The following KMT2C variants were observed in gnomAD, a reference collection of about 807,000 sequenced individuals.
KMT2C encodes lysine methyltransferase 2C.
A neutral mutation model predicts 507.9 loss-of-function variants in KMT2C; 88 were observed. The ratio of observed to expected loss-of-function variants is 0.17; its 90% confidence interval spans 0.15 to 0.21. KMT2C has a LOEUF of 0.21. KMT2C is among the 10% of genes least tolerant of loss of function. The pLI, the probability that KMT2C is intolerant of heterozygous loss-of-function variation, is 1.00. For missense variants in KMT2C, 4,954 were observed against 5,957.8 expected, an observed-to-expected ratio of 0.83 and a Z score of 5.55; for synonymous variants, 2,049 against 2,080.8, an observed-to-expected ratio of 0.98 and a Z score of 0.42.
At chr7:152,369,564 C>A (rs990706865) in intron 1 of KMT2C, among the ~76,000 whole-genome samples, 16 of 152,194 alleles carry the variant, frequency 1.1e-4, no homozygotes, top group South Asian at 2.1e-4. Flanking sequence ...GAGGTGGTAC[C>A]TTTAAGAGGT....
At position 152,297,073 on chromosome 7, in the gene KMT2C, G is replaced by C. The variant is rs562372159; in HGVS notation, c.849+12893C>G. Among the ~76,000 whole-genome samples the C allele has an allele frequency of 6.3e-4, 81 of 128,982 alleles. 1 individual carries two copies. The highest frequency in any genetic ancestry group is 2.3e-3 in the African/African-American group (59 of 25,234). The allele number at this position is 128,982 out of a possible 152,430, so 84.6% of individuals were successfully genotyped here. On this transcript the variant is annotated intron_variant, in intron 6 of 58. Transcript: ENST00000262189. ...AGAAAGACAGAGAGAGAGAGAGAGA[G>C]AGAGAGAGAGAGAGAGAGAGAAAGA...
intron 6 of KMT2C, among the ~76,000 whole-genome samples, chr7:152,308,457 C>G (rs1364522272): frequency 6.6e-6 from 1 of 151,296 alleles, no homozygotes; most frequent in African/African-American, 2.4e-5. Flanking sequence ...AGGCAGATCA[C>G]CTGAGGTCAG....
intron 1 of KMT2C, chr7:152,402,825 A>T (rs2097581574): frequency 4.5e-5 from 7 of 154,376 alleles, no homozygotes; most frequent in African/African-American, 1.5e-4. Context: ...GTTCACTGTC[A>T]GTTACCGATC....
chr7:152,343,990 AT>A (rs1002701573), intron 2 of KMT2C, among the ~76,000 whole-genome samples: 18 of 146,952 alleles, frequency 1.2e-4, no homozygotes, highest in African/African-American at 4.9e-4. Flanking sequence ...TGAAGATAAA[AT>A]TTTAAAAAAA....
Position 152,148,285 on chromosome 7 carries a change from A to C in KMT2C, c.13642T>G (p.Phe4548Val). 4.3e-6 allele frequency: 7 copies of C among 1,614,260 alleles called. No individual in the cohort carries two copies. Among genetic ancestry groups the C allele is most frequent in the Non-Finnish European group, 5.9e-6 (7 of 1,180,048 alleles). Residue 4548 changes from phenylalanine (F) to valine (V), a missense_variant, in exon 52 of 59, where the codon TTT becomes GTT. Transcript: ENST00000262189. This position sits in a 1 kb window ranked among gnomAD's most constrained non-coding sequence, Gnocchi z 7.1. ...TGGAAGATGAGGCTACCCACGCGAA[A>C]GGTATGGTCCCGTTCTCCTCGTTGC... ...IVQRGERDHT[F>V]RVGSLIFHTI...
rs766518165 is a variant in KMT2C at position 152,215,688 on chromosome 7, T to TATATATATATATATACAC, written c.3712+4834_3712+4835insGTGTATATATATATATAT. Among the ~76,000 whole-genome samples the TATATATATATATATACAC allele has an allele frequency of 1.3e-4, 18 of 134,432 alleles. 2 individuals carry two copies. Among genetic ancestry groups the TATATATATATATATACAC allele is most frequent in the African/African-American group, 5.7e-4 (17 of 29,600 alleles). 88.2% of individuals were successfully genotyped at this position (134,432 alleles called of 152,430 possible). ...ACAAAAGGAACAAAATATATATATATACACACACACATACACACACAAAAT... is the reference window on the plus strand; with the variant it reads ...ACAAAAGGAACAAAATATATATATATATATATATATATATACACACACACACACATACACACACAAAAT... On this transcript the variant is annotated intron_variant, in intron 23 of 58. Transcript: ENST00000262189.
At chr7:152,429,071 C>A (rs1176096869) in intron 1 of KMT2C, among the ~76,000 whole-genome samples, 1 of 152,134 alleles carries the variant, frequency 6.6e-6, no homozygotes, top group Non-Finnish European at 1.5e-5. Flanking sequence ...CTCACACACT[C>A]ATTTTCTTGT....
chr7:152,264,887 T>C (rs1196707049), intron 8 of KMT2C, 151 bp downstream of exon 8: 7 of 635,076 alleles, frequency 1.1e-5, no homozygotes, highest in Non-Finnish European at 1.3e-5. Context: ...AATGTTATAA[T>C]ATCCAGTAAT....
At chr7:152,168,457 A>G (rs2092828706) in intron 41 of KMT2C, among the ~76,000 whole-genome samples, 1 of 152,222 alleles carries the variant, frequency 6.6e-6, no homozygotes, top group African/African-American at 2.4e-5. Context: ...CAGAAGTTCC[A>G]GTACATGTAT....
chr7:152,288,768 T>TA (rs2096353910), intron 6 of KMT2C, among the ~76,000 whole-genome samples: 2 of 151,732 alleles, frequency 1.3e-5, no homozygotes, highest in African/African-American at 4.8e-5. Flanking sequence ...ATGACTAAAC[T>TA]AAAAAACCCT....
At chr7:152,392,369 T>C (rs1589690164) in intron 1 of KMT2C, among the ~76,000 whole-genome samples, 1 of 152,158 alleles carries the variant, frequency 6.6e-6, no homozygotes, top group East Asian at 1.9e-4. Flanking sequence ...AAATAGGTAG[T>C]AAAAATACAG....
At chr7:152,160,365 G>A (rs964288000) in intron 43 of KMT2C, among the ~76,000 whole-genome samples, 2 of 151,932 alleles carry the variant, frequency 1.3e-5, no homozygotes, top group African/African-American at 2.4e-5. Flanking sequence ...ACCGGGGCTG[G>A]AGCCCAGCAA....
Position 152,154,065 on chromosome 7 carries a change from C to T in KMT2C, c.12221G>A (p.Gly4074Asp), listed in dbSNP as rs2129098521. The change falls in exon 48 of 59, where the codon GGT (glycine) becomes GAT (aspartate). Residue 4074 changes from glycine to aspartate, a missense_variant. By Grantham distance (94) the Gly-to-Asp change is moderately conservative. Around this residue, in one of 29 missense-constraint regions of KMT2C, gnomAD observed 417 missense variants for 461.1 expected, o/e 0.90. Transcript: ENST00000262189. ...TACAGATATAAGACCTGATCTGGGACCATTTGGGGAAGGACCAAAAGGTGA... is the reference window on the plus strand; with the variant it reads ...TACAGATATAAGACCTGATCTGGGATCATTTGGGGAAGGACCAAAAGGTGA... ...FASPFGPSPN[G>D]PRSGLISVAI... The T allele has an allele frequency of 6.2e-7, 1 of 1,613,942 alleles. No individual in the cohort carries two copies. Among genetic ancestry groups the T allele is most frequent in the Non-Finnish European group, 8.5e-7 (1 of 1,179,928 alleles).
intron 39 of KMT2C, 140 bp downstream of exon 39, chr7:152,173,991 A>C: frequency 2.0e-6 from 1 of 509,042 alleles, no homozygotes; most frequent in Non-Finnish European, 3.5e-6. Flanking sequence ...GATCATATCG[A>C]GCTGATGCCA....
intron 1 of KMT2C, among the ~76,000 whole-genome samples, chr7:152,364,934 G>GACACACACAC (rs71198778): frequency 1.0e-3 from 141 of 138,158 alleles, no homozygotes; most frequent in African/African-American, 3.5e-3. Flanking sequence ...GAAACAGACA[G>GACACACACAC]ACACACACAC....
At chr7:152,429,945 A>G (rs1470911962) in intron 1 of KMT2C, among the ~76,000 whole-genome samples, 5 of 151,974 alleles carry the variant, frequency 3.3e-5, no homozygotes. Context: ...GGGAGTGCCG[A>G]GGCAGGCAGA....
At chr7:152,250,998 G>C (rs1563586546) in intron 11 of KMT2C, 32 bp from the exon 12 acceptor site, 2 of 1,256,718 alleles carry the variant, frequency 1.6e-6, no homozygotes, top group Admixed American at 1.8e-5. Flanking sequence ...CTTTAGCTCA[G>C]AATGAGTTTT....
At chr7:152,255,136 T>G in intron 9 of KMT2C, among the ~76,000 whole-genome samples, 1 of 124,120 alleles carries the variant, frequency 8.1e-6, no homozygotes, top group Admixed American at 8.1e-5. Context: ...TATATATATA[T>G]ATATATATAC....
rs747663041 is a variant in KMT2C, at chr7:152,167,192, T to C, written c.9704A>G (p.Lys3235Arg). The C allele has an allele frequency of 2.2e-5, 36 of 1,614,094 alleles. No individual in the cohort carries two copies. The highest frequency in any genetic ancestry group is 1.9e-4 in the African/African-American group (14 of 74,942). The change falls in exon 42 of 59, where the codon AAG (lysine) becomes AGG (arginine). Residue 3235 changes from lysine (K) to arginine (R), a missense_variant. Around this residue, in one of 29 missense-constraint regions of KMT2C, gnomAD observed 71 missense variants for 139.2 expected, o/e 0.51. Transcript: ENST00000262189. ...EFPEEDAEQL[K>R]HVTEQQSMVQ... is the part of the protein sequence containing the mutation. ...CATGCTTTGCTGTTCAGTAACATGC[T>C]TGAGTTGTTCTGCATCTTCCTCTGG...
Sources: gnomAD v4.1 joint callset for allele counts (sites outside exome capture counted in the v4.1 genomes callset) on GRCh38, gnomAD v4.1.1 for gene constraint, gnomAD v4.1.1 regional missense constraint, Gnocchi (gnomAD v3.1) non-coding constraint, MANE v1.5 for transcripts, NCBI Gene and HGNC (gene_info 2026-07-23, HGNC 2026-07-21) for gene names.